The following PAPPA variants were observed in gnomAD, a reference collection of about 807,000 sequenced individuals.
The protein encoded by PAPPA is pappalysin-1.
In PAPPA, 60 loss-of-function variants were observed where a neutral mutation model predicts 164.0. The ratio of observed to expected loss-of-function variants is 0.37; its 90% CI spans 0.30 to 0.45. The LOEUF (loss-of-function observed/expected upper bound fraction) is 0.45, where lower values mean the gene tolerates loss of function less well. PAPPA is among the 20% of genes least tolerant of loss of function. The pLI is 1.00. For missense variants in PAPPA, 1,782 were observed against 2,087.3 expected (o/e 0.85, Z 2.85); for synonymous variants, 875 against 814.1 (o/e 1.07, Z -1.27).
chr9:116,291,839 A>G (rs1845440748), intron 9 of PAPPA, among the ~76,000 whole-genome samples: 1 of 151,480 alleles, frequency 6.6e-6, no homozygotes, highest in African/African-American at 2.4e-5. Flanking sequence ...TATTTATTTT[A>G]AATAAAATAA....
intron 14 of PAPPA, among the ~76,000 whole-genome samples, chr9:116,345,438 A>G (rs1209902001): frequency 4.4e-5 from 1 of 22,610 alleles, no homozygotes; most frequent in African/African-American, 7.5e-5. Flanking sequence ...ATTGATGAGA[A>G]AAAAAAAAAA....
At chr9:116,211,306 AG>A (rs1169982362) in intron 3 of PAPPA, among the ~76,000 whole-genome samples, 1 of 152,244 alleles carries the variant, frequency 6.6e-6, no homozygotes, top group African/African-American at 2.4e-5. Flanking sequence ...TGCAGCAGAA[AG>A]GTTTACTGGC....
chr9:116,293,259 T>G (rs530717592), intron 9 of PAPPA, among the ~76,000 whole-genome samples: 2 of 152,330 alleles, frequency 1.3e-5, no homozygotes, highest in South Asian at 4.1e-4. Flanking sequence ...GAAAGGAGGT[T>G]TGCGTTTTTA....
intron 15 of PAPPA, among the ~76,000 whole-genome samples, chr9:116,350,147 C>T (rs1846262901): frequency 6.6e-6 from 1 of 152,190 alleles, no homozygotes; most frequent in Non-Finnish European, 1.5e-5. Flanking sequence ...ACTCACCCTG[C>T]ATATGGACAG....
At chr9:116,389,411 A>G (rs1040021879) in intron 21 of PAPPA, among the ~76,000 whole-genome samples, 8 of 152,042 alleles carry the variant, frequency 5.3e-5, no homozygotes, top group Non-Finnish European at 8.8e-5. Flanking sequence ...TCACACCTCA[A>G]TGCAAAGACA....
chr9:116,178,396 C>T (rs1843862407), intron 1 of PAPPA, among the ~76,000 whole-genome samples: 1 of 152,192 alleles, frequency 6.6e-6, no homozygotes, highest in Non-Finnish European at 1.5e-5. Flanking sequence ...GCGTGAGCCA[C>T]CTTGCCTGGC....
chr9:116,240,044 A>G (rs955572476), intron 7 of PAPPA, among the ~76,000 whole-genome samples: 10 of 152,192 alleles, frequency 6.6e-5, no homozygotes, highest in African/African-American at 2.4e-4. Flanking sequence ...TCCTTGGCCT[A>G]TATGGAATCT....
At chr9:116,346,923 G>C (rs1019947358) in intron 14 of PAPPA, 103 bp from the exon 15 acceptor site, 1 of 847,978 alleles carries the variant, frequency 1.2e-6, no homozygotes, top group African/African-American at 1.7e-5. Context: ...TGGTCTCCTA[G>C]TGCCTGGGCG....
At chr9:116,218,054 G>A (rs575520687) in intron 4 of PAPPA, among the ~76,000 whole-genome samples, 1 of 152,346 alleles carries the variant, frequency 6.6e-6, no homozygotes, top group East Asian at 1.9e-4. Flanking sequence ...GGGAGCCATA[G>A]AATGTTTGGT....
At position 116,207,549 on chromosome 9, in the gene PAPPA, G is replaced by A. The variant is rs370208631; in HGVS notation, c.1572G>A (p.Glu524=). 10 of 1,613,492 alleles carry A rather than the reference G, an allele frequency of 6.2e-6. No homozygotes were observed. The highest frequency in any genetic ancestry group is 7.6e-6 in the Non-Finnish European group (9 of 1,179,670). ...TCTTTGCAAAATCCTCAGAGGAGGAGTTGGCAGGAGTAGCAACTTGGCCAT... is the reference window on the plus strand; with the variant it reads ...TCTTTGCAAAATCCTCAGAGGAGGAATTGGCAGGAGTAGCAACTTGGCCAT... ...NIFFAKSSEE[E]LAGVATWPWD... is the part of the protein sequence containing the mutation. Residue 524 remains glutamate (E), a synonymous_variant, in exon 3 of 22, where the codon GAG becomes GAA. Transcript: ENST00000328252.
At chr9:116,320,888 G>A (rs1314360822) in intron 10 of PAPPA, among the ~76,000 whole-genome samples, 1 of 152,150 alleles carries the variant, frequency 6.6e-6, no homozygotes, top group Non-Finnish European at 1.5e-5. Context: ...GGAATGAAGA[G>A]AAGATCTCAG....
At chr9:116,243,344 T>C (rs905425200) in intron 7 of PAPPA, among the ~76,000 whole-genome samples, 1 of 152,242 alleles carries the variant, frequency 6.6e-6, no homozygotes, top group African/African-American at 2.4e-5. Context: ...TAGCATTTAC[T>C]ACTGGTAGCA....
At chr9:116,266,329 A>G (rs1339204526) in intron 8 of PAPPA, among the ~76,000 whole-genome samples, 1 of 152,220 alleles carries the variant, frequency 6.6e-6, no homozygotes, top group African/African-American at 2.4e-5. Flanking sequence ...GCGTACATTC[A>G]GTTAACAGGA....
chr9:116,367,568 C>T, intron 18 of PAPPA, 77 bp from the exon 19 acceptor site: 1 of 1,049,726 alleles, frequency 9.5e-7, no homozygotes. Flanking sequence ...AGTGGGAGGG[C>T]CCACTCTGCA....
intron 9 of PAPPA, among the ~76,000 whole-genome samples, chr9:116,276,480 T>C (rs1350714943): frequency 6.6e-6 from 1 of 151,392 alleles, no homozygotes; most frequent in South Asian, 2.1e-4. Flanking sequence ...GCTTAGCACC[T>C]CAGAGCCTCA....
intron 9 of PAPPA, among the ~76,000 whole-genome samples, chr9:116,299,372 C>A (rs891958100): frequency 6.6e-6 from 1 of 152,120 alleles, no homozygotes; most frequent in Non-Finnish European, 1.5e-5. Flanking sequence ...TCTATTTCTA[C>A]CTTTCCTCCA....
intron 20 of PAPPA, among the ~76,000 whole-genome samples, chr9:116,379,977 C>T (rs992022974): frequency 2.0e-5 from 3 of 152,310 alleles, no homozygotes; most frequent in East Asian, 1.9e-4. Flanking sequence ...TCCACCCCCA[C>T]CTAATTAACT....
At chr9:116,245,739 A>G (rs917639705) in intron 7 of PAPPA, among the ~76,000 whole-genome samples, 1 of 152,090 alleles carries the variant, frequency 6.6e-6, no homozygotes, top group African/African-American at 2.4e-5. Flanking sequence ...AGTCTTAGAC[A>G]TATTGTGTTT....
chr9:116,183,525 G>A (rs1029272334), intron 1 of PAPPA, among the ~76,000 whole-genome samples: 7 of 152,224 alleles, frequency 4.6e-5, no homozygotes, highest in Middle Eastern at 3.4e-3. Context: ...GTGGTACAAC[G>A]ATGCTTCCCT....
Sources: gnomAD v4.1 joint callset for allele counts (sites outside exome capture counted in the v4.1 genomes callset) on GRCh38, gnomAD v4.1.1 for gene constraint, MANE v1.5 for transcripts, NCBI Gene and HGNC (gene_info 2026-07-23, HGNC 2026-07-21) for gene names.